EXOC4: variants seen among roughly 807,000 people sequenced by gnomAD.
EXOC4 encodes the protein SEC8-like 1.
Under a neutral mutation model 107.2 loss-of-function variants are expected in EXOC4, and 71 were observed. That is an observed-to-expected ratio of 0.66 (90% confidence interval 0.55 to 0.81). EXOC4 has a LOEUF of 0.81. EXOC4 is among the 30% of genes least tolerant of loss of function. EXOC4 has a pLI of 0.00. For synonymous variants in EXOC4, 456 were observed against 441.2 expected (o/e 1.03, Z -0.42); for missense variants, 1,108 against 1,189.6 (o/e 0.93, Z 1.01).
chr7:133,308,471 A>C (rs1794801628), intron 4 of EXOC4, among the ~76,000 whole-genome samples: 1 of 152,194 alleles, frequency 6.6e-6, no homozygotes, highest in African/African-American at 2.4e-5. Context: ...CGAAGGAGAG[A>C]GGTCTCAGAA....
At chr7:133,682,947 C>A (rs1030866742) in intron 10 of EXOC4, among the ~76,000 whole-genome samples, 13 of 152,188 alleles carry the variant, frequency 8.5e-5, no homozygotes, top group South Asian at 2.1e-4. Flanking sequence ...GTGCTGAACA[C>A]CATGAAATGC....
intron 9 of EXOC4, among the ~76,000 whole-genome samples, chr7:133,597,681 A>C (rs977876854): frequency 1.3e-5 from 2 of 152,082 alleles, no homozygotes; most frequent in African/African-American, 4.8e-5. Context: ...TGAATGGAGA[A>C]AGGAACACAG....
At chr7:133,842,910 A>G (rs1442651809) in intron 11 of EXOC4, among the ~76,000 whole-genome samples, 2 of 152,114 alleles carry the variant, frequency 1.3e-5, no homozygotes, top group African/African-American at 4.8e-5. Context: ...CATTCAATAA[A>G]TGAACAAATT....
intron 14 of EXOC4, among the ~76,000 whole-genome samples, chr7:133,989,633 T>G (rs1053995600): frequency 2.0e-5 from 3 of 152,152 alleles, no homozygotes; most frequent in Non-Finnish European, 4.4e-5. Context: ...AGAGCCTGCA[T>G]GAGATGAGGA....
intron 11 of EXOC4, among the ~76,000 whole-genome samples, chr7:133,844,167 C>G (rs1268401577): frequency 6.6e-6 from 1 of 151,996 alleles, no homozygotes; most frequent in Non-Finnish European, 1.5e-5. Flanking sequence ...CAGAATGATT[C>G]TGGCCTCACA....
At chr7:133,928,009 T>C (rs888432939) in intron 13 of EXOC4, among the ~76,000 whole-genome samples, 1 of 152,232 alleles carries the variant, frequency 6.6e-6, no homozygotes, top group African/African-American at 2.4e-5. Context: ...ATCACATTAA[T>C]GCTAGTGTAT....
intron 5 of EXOC4, among the ~76,000 whole-genome samples, chr7:133,330,374 G>A (rs780400049): frequency 6.6e-5 from 10 of 151,928 alleles, no homozygotes; most frequent in Non-Finnish European, 1.2e-4. Flanking sequence ...CGTGGGGGTG[G>A]GACCCACTGA....
chr7:133,558,141 G>T (rs955257672), intron 9 of EXOC4, among the ~76,000 whole-genome samples: 4 of 150,828 alleles, frequency 2.7e-5, no homozygotes, highest in Non-Finnish European at 4.4e-5. Flanking sequence ...AAACACCCAC[G>T]GTGAAATACT....
At chr7:133,434,478 T>C (rs1017268795) in intron 7 of EXOC4, among the ~76,000 whole-genome samples, 1 of 152,188 alleles carries the variant, frequency 6.6e-6, no homozygotes, top group Admixed American at 6.5e-5. Context: ...TAATGGTATA[T>C]TTCTCTTTCT....
downstream of EXOC4, among the ~76,000 whole-genome samples, chr7:134,071,152 C>T (rs527629483): frequency 6.6e-6 from 1 of 152,302 alleles, no homozygotes; most frequent in South Asian, 2.1e-4. Flanking sequence ...TTAATCCTCA[C>T]AATAATCCTA....
At chr7:133,469,452 A>T (rs1455098324) in intron 7 of EXOC4, among the ~76,000 whole-genome samples, 1 of 152,080 alleles carries the variant, frequency 6.6e-6, no homozygotes, top group Non-Finnish European at 1.5e-5. Context: ...GAAAAAAACA[A>T]AAAGGAAAAT....
At chr7:133,856,215 T>C (rs933239919) in intron 11 of EXOC4, among the ~76,000 whole-genome samples, 6 of 152,238 alleles carry the variant, frequency 3.9e-5, no homozygotes, top group Admixed American at 1.3e-4. Context: ...AAAACGGAAG[T>C]AATACCAATC....
At chr7:133,404,885 TACAC>T (rs68148382) in intron 7 of EXOC4, among the ~76,000 whole-genome samples, 53 of 94,112 alleles carry the variant, frequency 5.6e-4, no homozygotes, top group African/African-American at 5.2e-4. Flanking sequence ...CCCCCCCCAA[TACAC>T]ACACACACAC....
intron 11 of EXOC4, among the ~76,000 whole-genome samples, chr7:133,888,346 A>G (rs889761396): frequency 6.6e-6 from 1 of 152,200 alleles, no homozygotes; most frequent in African/African-American, 2.4e-5. Flanking sequence ...TTTTTTAAGC[A>G]TACTTTTATG....
At chr7:134,019,415 GTGA>G (rs149056095) in intron 17 of EXOC4, among the ~76,000 whole-genome samples, 2,682 of 148,736 alleles carry the variant, frequency 0.018, 63 homozygotes, top group African/African-American at 0.06. Flanking sequence ...CTTTCTCTCA[GTGA>G]TGATGATGAT....
intron 7 of EXOC4, among the ~76,000 whole-genome samples, chr7:133,465,850 A>G (rs1798714915): frequency 6.6e-6 from 1 of 152,020 alleles, no homozygotes; most frequent in Non-Finnish European, 1.5e-5. Flanking sequence ...AAAGGAGAAA[A>G]CTCGGCCGGG....
chr7:134,005,200 G>A, intron 16 of EXOC4, 110 bp downstream of exon 16: 1 of 1,192,446 alleles, frequency 8.4e-7, no homozygotes. Context: ...TTGTTTGCTT[G>A]CTTGCTTGTT....
At chr7:133,765,345 TA>T (rs1385225814) in intron 10 of EXOC4, among the ~76,000 whole-genome samples, 1 of 152,072 alleles carries the variant, frequency 6.6e-6, no homozygotes, top group Non-Finnish European at 1.5e-5. Context: ...ACACAAAATT[TA>T]AAAAGCTGAA....
chr7:134,051,436 G>A (rs1293365951), intron 17 of EXOC4, among the ~76,000 whole-genome samples: 1 of 152,220 alleles, frequency 6.6e-6, no homozygotes, highest in Non-Finnish European at 1.5e-5. Context: ...ACTTCGGGAG[G>A]CCGAGGCAGG....
Sources: gnomAD v4.1 joint callset for allele counts (sites outside exome capture counted in the v4.1 genomes callset) on GRCh38, gnomAD v4.1.1 for gene constraint, MANE v1.5 for transcripts, NCBI Gene and HGNC (gene_info 2026-07-23, HGNC 2026-07-21) for gene names.